ARHGAP10: variants seen among roughly 807,000 people sequenced by gnomAD.
The protein encoded by ARHGAP10 is Rho GTPase activating protein 10.
A neutral mutation model predicts 108.6 loss-of-function variants in ARHGAP10; 87 were observed. The ratio of observed to expected loss-of-function variants is 0.80; its 90% CI spans 0.67 to 0.96. The LOEUF is 0.96. ARHGAP10 is among the 40% of genes least tolerant of loss of function. ARHGAP10 has a pLI of 0.00. For synonymous variants in ARHGAP10, 347 were observed against 341.1 expected, an observed-to-expected ratio of 1.02 and a Z score of -0.19; for missense variants, 939 against 954.5, an observed-to-expected ratio of 0.98 and a Z score of 0.21.
rs753305749 is a variant in ARHGAP10, at chr4:147,881,840, G to A, written c.942G>A (p.Gly314=). ...PFEHRSGGKL[G]DGEVFFLKEC... ...ATGTTCAAAATGATTATTTGCAGGG[G>A]GACGGAGAGGTGTTCTTTTTGAAAG... The change falls in exon 10 of 23, where the codon GGG becomes GGA. Residue 314 remains glycine (G), a splice_region_variant and synonymous_variant. Coordinates refer to ENST00000336498, the MANE Select transcript of ARHGAP10 (RefSeq NM_024605.4). The A allele has an allele frequency of 6.1e-5, 98 of 1,613,718 alleles. No individual in the cohort carries two copies. The South Asian group carries it at 9.9e-4, about 16-fold the overall frequency.
chr4:147,781,425 G>A (rs1040212320), intron 1 of ARHGAP10, among the ~76,000 whole-genome samples: 1 of 152,156 alleles, frequency 6.6e-6, no homozygotes, highest in African/African-American at 2.4e-5. Flanking sequence ...CCCTACATAT[G>A]GGGAATATGC....
intron 13 of ARHGAP10, among the ~76,000 whole-genome samples, chr4:147,929,943 A>G (rs1046884675): frequency 1.3e-5 from 2 of 152,232 alleles, no homozygotes; most frequent in African/African-American, 4.8e-5. Context: ...ATTTGTGCAT[A>G]CACATGTGTG....
In ARHGAP10 at chr4:147,822,774, A is replaced by G. The variant is rs984920659; in HGVS notation, c.202A>G (p.Lys68Glu). 3.7e-6 allele frequency: 6 copies of G among 1,614,076 alleles called. No homozygotes were observed. The highest frequency in any genetic ancestry group is 4.5e-5 in the East Asian group (2 of 44,900). Residue 68 changes from lysine to glutamate, a missense_variant, in exon 2 of 23, where the codon AAG becomes GAG. Physicochemically the swap from Lys to Glu is moderately conservative, Grantham distance 56 (BLOSUM62 1). Coordinates refer to ENST00000336498, the MANE Select transcript of ARHGAP10 (RefSeq NM_024605.4). Reference sequence around the variant, plus strand: ...GTTTGCTCATTCACTCAGAGACTTTAAGTTTGAGTTTATCGGTGATGCTGT... The same window carrying G: ...GTTTGCTCATTCACTCAGAGACTTTGAGTTTGAGTTTATCGGTGATGCTGT... ...RKFAHSLRDF[K>E]FEFIGDAVTD...
At chr4:147,967,046 T>A (rs1271263237) in intron 18 of ARHGAP10, among the ~76,000 whole-genome samples, 2 of 152,222 alleles carry the variant, frequency 1.3e-5, no homozygotes, top group East Asian at 3.8e-4. Flanking sequence ...GGTCTTTTGT[T>A]ATCTCCCTGG....
intron 1 of ARHGAP10, among the ~76,000 whole-genome samples, chr4:147,741,524 T>C (rs1381616510): frequency 6.6e-6 from 1 of 152,120 alleles, no homozygotes; most frequent in Non-Finnish European, 1.5e-5. Context: ...GTCAAGCTAG[T>C]TGGGGCAGAT....
intron 1 of ARHGAP10, among the ~76,000 whole-genome samples, chr4:147,762,340 C>T (rs1341245886): frequency 6.6e-6 from 1 of 151,798 alleles, no homozygotes; most frequent in East Asian, 1.9e-4. Context: ...TCTAGGTATG[C>T]CACAAATTAA....
chr4:147,809,599 T>C (rs924468606), intron 1 of ARHGAP10, among the ~76,000 whole-genome samples: 1 of 152,212 alleles, frequency 6.6e-6, no homozygotes, highest in African/African-American at 2.4e-5. Context: ...CACGGGTTTG[T>C]GAGCCCCACT....
At chr4:147,864,126 C>T (rs891353711) in intron 5 of ARHGAP10, 1 of 152,242 alleles carries the variant, frequency 6.6e-6, no homozygotes, top group African/African-American at 2.4e-5. Context: ...AGAATGGTTT[C>T]TTGGACATGA....
intron 1 of ARHGAP10, among the ~76,000 whole-genome samples, chr4:147,745,790 CTTT>C (rs70958581): frequency 7.5e-6 from 1 of 132,966 alleles, no homozygotes; most frequent in Non-Finnish European, 1.6e-5. Context: ...TGTGCCCGGC[CTTT>C]TTTTTTTTTT....
intron 20 of ARHGAP10, among the ~76,000 whole-genome samples, chr4:148,048,622 G>T (rs1728991549): frequency 6.6e-6 from 1 of 152,154 alleles, no homozygotes; most frequent in Admixed American, 6.5e-5. Flanking sequence ...GTGGAATTTA[G>T]CATGTGTGTA....
chr4:147,764,565 A>C (rs1579014955), intron 1 of ARHGAP10, among the ~76,000 whole-genome samples: 1 of 151,768 alleles, frequency 6.6e-6, no homozygotes, highest in African/African-American at 2.4e-5. Context: ...ATAGAGTCTC[A>C]CTCTGTTGCC....
intron 14 of ARHGAP10, among the ~76,000 whole-genome samples, chr4:147,940,223 G>A (rs1460555027): frequency 6.6e-6 from 1 of 152,180 alleles, no homozygotes; most frequent in African/African-American, 2.4e-5. Context: ...CCAGAATTGT[G>A]ACAGTACATT....
chr4:147,938,368 TA>T (rs896323102), intron 13 of ARHGAP10, among the ~76,000 whole-genome samples: 2 of 151,748 alleles, frequency 1.3e-5, no homozygotes, highest in Non-Finnish European at 2.9e-5. Context: ...ACTTAAAAGT[TA>T]AAAAAAATAG....
chr4:147,797,412 CTTTG>C (rs1260399247), intron 1 of ARHGAP10, among the ~76,000 whole-genome samples: 1 of 151,878 alleles, frequency 6.6e-6, no homozygotes, highest in Non-Finnish European at 1.5e-5. Context: ...ACCCTCCCCA[CTTTG>C]TTTTGTTTTG....
chr4:147,860,180 C>T lies in ARHGAP10; in HGVS notation c.486+2526C>T, dbSNP rs149422176. 1.6e-3 allele frequency among the ~76,000 whole-genome samples: 249 copies of T among 152,338 alleles called. 7 individuals carry two copies. In the East Asian group the frequency reaches 0.044, roughly 27 times the overall value. On this transcript the variant is annotated intron_variant, in intron 5 of 22. Transcript: ENST00000336498. ...GGAGAAGGCCGGGCGTGGTGGCTCA[C>T]GCCTGTAATCCCAGCACTGTGGGAG...
intron 18 of ARHGAP10, among the ~76,000 whole-genome samples, chr4:147,973,013 C>T (rs938093585): frequency 2.0e-5 from 3 of 151,988 alleles, no homozygotes; most frequent in Non-Finnish European, 4.4e-5. Flanking sequence ...CCTTGGTTTC[C>T]TAAAGTGCTG....
chr4:148,012,142 C>T (rs1341623613), intron 18 of ARHGAP10, among the ~76,000 whole-genome samples: 4 of 152,152 alleles, frequency 2.6e-5, no homozygotes, highest in Non-Finnish European at 5.9e-5. Flanking sequence ...TGTTCTCTCT[C>T]CTTTCAGTTA....
chr4:147,776,525 G>C (rs1424609955), intron 1 of ARHGAP10, among the ~76,000 whole-genome samples: 1 of 152,146 alleles, frequency 6.6e-6, no homozygotes, highest in Admixed American at 6.5e-5. Context: ...CAGCCTGAGT[G>C]ATAGAATTTT....
chr4:147,873,806 T>C (rs566758517), intron 7 of ARHGAP10, among the ~76,000 whole-genome samples: 53 of 146,362 alleles, frequency 3.6e-4, no homozygotes, highest in African/African-American at 1.2e-3. Flanking sequence ...GTTCAGGAGG[T>C]TGAGGCTGTG....
Sources: allele counts gnomAD v4.1 joint callset (sites outside exome capture counted in the v4.1 genomes callset), GRCh38; gene constraint gnomAD v4.1.1; transcripts MANE v1.5; gene names NCBI Gene and HGNC (gene_info 2026-07-23, HGNC 2026-07-21).